Variants in LMBR1 observed in about 807,000 individuals in gnomAD.
LMBR1 encodes limb development membrane protein 1.
Under a neutral mutation model 73.9 loss-of-function variants are expected in LMBR1, and 52 were observed. The observed-to-expected ratio is 0.70, with a 90% CI of 0.56 to 0.89. The LOEUF is 0.89. Among genes scored for constraint, LMBR1 ranks in the 40% least tolerant of loss-of-function variants. The pLI is 0.00. For missense variants in LMBR1, 539 were observed against 579.8 expected (o/e 0.93, Z 0.72); for synonymous variants, 215 against 209.4 (o/e 1.03, Z -0.23).
intron 9 of LMBR1, among the ~76,000 whole-genome samples, chr7:156,745,506 A>G (rs1277439732): frequency 1.3e-5 from 2 of 152,184 alleles, no homozygotes; most frequent in East Asian, 3.9e-4. Flanking sequence ...GGCCAGAAAA[A>G]CTGATTTAGG....
chr7:156,716,955 G>C (rs1813344688), intron 15 of LMBR1, among the ~76,000 whole-genome samples: 1 of 151,972 alleles, frequency 6.6e-6, no homozygotes, highest in Admixed American at 6.6e-5. Flanking sequence ...CCAGGTAGTA[G>C]AGTGAGACCC....
chr7:156,871,544 A>G (rs1325899934), intron 1 of LMBR1, among the ~76,000 whole-genome samples: 1 of 152,236 alleles, frequency 6.6e-6, no homozygotes, highest in African/African-American at 2.4e-5. Context: ...AAAATCCTCA[A>G]TGAAATAGTT....
At chr7:156,712,758 G>A (rs1354092601) in intron 15 of LMBR1, among the ~76,000 whole-genome samples, 1 of 152,170 alleles carries the variant, frequency 6.6e-6, no homozygotes, top group Non-Finnish European at 1.5e-5. Context: ...GTCAGATACA[G>A]AAAGACAAAT....
chr7:156,834,258 T>C (rs1226424285), intron 2 of LMBR1, among the ~76,000 whole-genome samples: 1 of 152,154 alleles, frequency 6.6e-6, no homozygotes, highest in African/African-American at 2.4e-5. Flanking sequence ...TCCTGGACCA[T>C]CCTAAATAAC....
At chr7:156,741,321 C>T (rs1447521610) in intron 9 of LMBR1, among the ~76,000 whole-genome samples, 2 of 151,874 alleles carry the variant, frequency 1.3e-5, no homozygotes, top group African/African-American at 2.4e-5. Context: ...TAACACTGAT[C>T]GTAAATGAAC....
chr7:156,693,415 T>A (rs563729997), intron 15 of LMBR1, among the ~76,000 whole-genome samples: 58 of 152,166 alleles, frequency 3.8e-4, no homozygotes, highest in African/African-American at 1.4e-3. Context: ...TTAGCTAGAC[T>A]AACTCAAAGA....
chr7:156,723,425 T>C (rs1209035865), intron 15 of LMBR1, among the ~76,000 whole-genome samples: 3 of 152,106 alleles, frequency 2.0e-5, no homozygotes, highest in Admixed American at 1.3e-4. Flanking sequence ...TAGAAATGCT[T>C]AATGGAAACT....
At chr7:156,871,242 T>C (rs562042425) in intron 1 of LMBR1, among the ~76,000 whole-genome samples, 1 of 152,138 alleles carries the variant, frequency 6.6e-6, no homozygotes, top group Non-Finnish European at 1.5e-5. Context: ...GACTAAATCA[T>C]GAAGAAGTAG....
chr7:156,751,939 G>A (rs889337792), intron 9 of LMBR1, among the ~76,000 whole-genome samples: 3 of 152,176 alleles, frequency 2.0e-5, no homozygotes, highest in Admixed American at 1.3e-4. Flanking sequence ...CAGCTTATAG[G>A]TGGTATTTAA....
At position 156,844,965 on chromosome 7, in the gene LMBR1, G is replaced by A. The variant is rs557829110; in HGVS notation, c.67-8080C>T. Among the ~76,000 whole-genome samples, 3 of 152,264 alleles carry A rather than the reference G, an allele frequency of 2.0e-5. No homozygotes were observed. In the East Asian group the frequency reaches 5.8e-4, roughly 29 times the overall value. Reference sequence around the variant, plus strand: ...CACCTGAATCTAAATTCAGACTGGTGCGTTATAATCAAATTGTACCACCCA... The same window carrying A: ...CACCTGAATCTAAATTCAGACTGGTACGTTATAATCAAATTGTACCACCCA... On this transcript the variant is annotated intron_variant, in intron 1 of 16. Coordinates refer to ENST00000353442, the MANE Select transcript of LMBR1 (RefSeq NM_022458.4).
chr7:156,727,288 G>A (rs111869259), intron 12 of LMBR1, among the ~76,000 whole-genome samples: 4,874 of 152,140 alleles, frequency 0.032, 123 homozygotes, highest in South Asian at 0.084. Flanking sequence ...CTCCTATGAC[G>A]TACAAGTCAT....
chr7:156,861,132 C>T (rs532816529), intron 1 of LMBR1, among the ~76,000 whole-genome samples: 1 of 152,368 alleles, frequency 6.6e-6, no homozygotes, highest in Admixed American at 6.5e-5. Flanking sequence ...TCCATGAGGG[C>T]CCAGCCCCTG....
At chr7:156,730,327 T>C (rs1176987374) in intron 10 of LMBR1, among the ~76,000 whole-genome samples, 4 of 152,222 alleles carry the variant, frequency 2.6e-5, no homozygotes, top group Non-Finnish European at 5.9e-5. Context: ...CAGGCTCATG[T>C]TTCTTGAGAG....
At chr7:156,831,194 A>T (rs1836610735) in intron 3 of LMBR1, among the ~76,000 whole-genome samples, 1 of 152,070 alleles carries the variant, frequency 6.6e-6, no homozygotes, top group South Asian at 2.1e-4. Flanking sequence ...AAAGAATTCT[A>T]AGCAGACAAA....
At chr7:156,756,504 A>C (rs201614733) in intron 8 of LMBR1, 39 bp from the exon 9 acceptor site, 1 of 946,550 alleles carries the variant, frequency 1.1e-6, no homozygotes, top group East Asian at 2.4e-5. Flanking sequence ...ATTCAACGTT[A>C]TAAAACGAAT....
In LMBR1 at chr7:156,681,444, G is replaced by C. The variant is rs908409304; in HGVS notation, c.*2634C>G. ...TATTTTTACAGAGAATGTACATAAA[G>C]CTACGTAAATAGTAAATCTAAGAAG... On this transcript the variant is annotated 3_prime_UTR_variant, in exon 17 of 17. Transcript: ENST00000353442. 2 of 158,500 alleles carry C rather than the reference G, an allele frequency of 1.3e-5. No homozygotes were observed. Among genetic ancestry groups the C allele is most frequent in the Non-Finnish European group, 2.8e-5 (2 of 71,920 alleles). The allele number at this position is 158,500 out of a possible 1,614,324, so 9.8% of individuals were successfully genotyped here.
chr7:156,864,993 CT>C, intron 1 of LMBR1, among the ~76,000 whole-genome samples: 1 of 124,738 alleles, frequency 8.0e-6, no homozygotes. Context: ...GAGACTCTGT[CT>C]CAAAAAAAAA....
intron 9 of LMBR1, among the ~76,000 whole-genome samples, chr7:156,745,604 G>A (rs947319689): frequency 9.2e-5 from 14 of 152,198 alleles, no homozygotes; most frequent in African/African-American, 7.2e-5. Flanking sequence ...GAACAACAAC[G>A]CAAGGCCAGC....
At chr7:156,753,128 G>A (rs890343946) in intron 9 of LMBR1, among the ~76,000 whole-genome samples, 3 of 152,110 alleles carry the variant, frequency 2.0e-5, no homozygotes, top group Admixed American at 6.6e-5. Context: ...GAACTTGGAT[G>A]GGTTATGTCA....
Sources: allele counts gnomAD v4.1 joint callset (sites outside exome capture counted in the v4.1 genomes callset), GRCh38; gene constraint gnomAD v4.1.1; transcripts MANE v1.5; gene names NCBI Gene and HGNC (gene_info 2026-07-23, HGNC 2026-07-21).